The following RBMS3 variants were observed in gnomAD, a reference collection of about 807,000 sequenced individuals.
The protein encoded by RBMS3 is RNA-binding motif, single-stranded-interacting protein 3.
In RBMS3, 27 loss-of-function variants were observed where a neutral mutation model predicts 66.8. That is an observed-to-expected ratio of 0.40 (90% CI 0.30 to 0.56). RBMS3 has a LOEUF of 0.56. RBMS3 is among the 20% of genes least tolerant of loss of function. RBMS3 has a pLI of 0.40. For missense variants in RBMS3, 513 were observed against 549.5 expected (o/e 0.93, Z 0.66); for synonymous variants, 188 against 183.0 (o/e 1.03, Z -0.22).
At chr3:29,949,385 G>A (rs781135999) in intron 12 of RBMS3, among the ~76,000 whole-genome samples, 10 of 151,732 alleles carry the variant, frequency 6.6e-5, no homozygotes, top group Non-Finnish European at 1.2e-4. Context: ...CACAAGCCAC[G>A]TGCAAATAAG....
chr3:29,316,399 AG>A (rs1198024071), intron 1 of RBMS3, among the ~76,000 whole-genome samples: 1 of 151,744 alleles, frequency 6.6e-6, no homozygotes, highest in Non-Finnish European at 1.5e-5. Flanking sequence ...ATACCTCCCT[AG>A]CAAAGATAAC....
At chr3:29,854,196 T>C (rs2059015459) in intron 6 of RBMS3, among the ~76,000 whole-genome samples, 1 of 152,070 alleles carries the variant, frequency 6.6e-6, no homozygotes, top group African/African-American at 2.4e-5. Context: ...CCTCCCCGCG[T>C]CCCTGCAGCA....
chr3:29,541,425 C>A (rs975614780), intron 3 of RBMS3, among the ~76,000 whole-genome samples: 3 of 136,266 alleles, frequency 2.2e-5, no homozygotes, highest in African/African-American at 1.0e-4. Flanking sequence ...CCTCAAATTT[C>A]TTTCATTCTT....
chr3:29,810,879 G>A (rs1230499419), intron 6 of RBMS3, among the ~76,000 whole-genome samples: 2 of 152,046 alleles, frequency 1.3e-5, no homozygotes, highest in South Asian at 2.1e-4. Context: ...AATAGAAAAC[G>A]CACCAAAGTA....
chr3:29,750,586 G>A (rs776850100), intron 5 of RBMS3, among the ~76,000 whole-genome samples: 15 of 152,022 alleles, frequency 9.9e-5, no homozygotes, highest in Non-Finnish European at 2.1e-4. Context: ...GGGCACATGT[G>A]CAGGTTCGTT....
chr3:29,578,983 A>G (rs374851292), intron 3 of RBMS3, among the ~76,000 whole-genome samples: 1,903 of 143,790 alleles, frequency 0.013, 103 homozygotes, highest in African/African-American at 0.048. Flanking sequence ...TTGTATTTTT[A>G]GTAGAGACGG....
At chr3:29,901,855 A>C (rs2149611568) in intron 10 of RBMS3, among the ~76,000 whole-genome samples, 1 of 151,962 alleles carries the variant, frequency 6.6e-6, no homozygotes, top group African/African-American at 2.4e-5. Flanking sequence ...GATGGAGAAA[A>C]GGGCAAAACA....
Position 29,830,448 on chromosome 3 carries a change from G to A in RBMS3, c.638-38410G>A, listed in dbSNP as rs207463084. 2.0e-5 allele frequency among the ~76,000 whole-genome samples: 3 copies of A among 152,088 alleles called. No individual in the cohort carries two copies. In the East Asian group the frequency reaches 5.8e-4, roughly 29 times the overall value. ...TAAAACTTATGGTAGTGAAGTTGCA[G>A]GGCAGGCTGTTACCAGCACGGTAAA... On this transcript the variant is annotated intron_variant, in intron 6 of 14. Coordinates refer to ENST00000383767, the MANE Select transcript of RBMS3 (RefSeq NM_001003793.3).
At chr3:29,648,435 G>A (rs376393532) in intron 4 of RBMS3, among the ~76,000 whole-genome samples, 2 of 151,388 alleles carry the variant, frequency 1.3e-5, no homozygotes, top group African/African-American at 4.9e-5. Context: ...ACTACACCTG[G>A]CTAAGTTTTG....
intron 12 of RBMS3, among the ~76,000 whole-genome samples, chr3:29,952,311 A>G (rs1695735354): frequency 6.6e-6 from 1 of 151,824 alleles, no homozygotes; most frequent in Non-Finnish European, 1.5e-5. Context: ...ATGTAAATCC[A>G]TTTTCCACCT....
At chr3:29,774,390 A>G (rs1250233625) in intron 6 of RBMS3, among the ~76,000 whole-genome samples, 1 of 152,094 alleles carries the variant, frequency 6.6e-6, no homozygotes, top group Non-Finnish European at 1.5e-5. Flanking sequence ...ATTATCACTG[A>G]GCTAATCACA....
intron 1 of RBMS3, among the ~76,000 whole-genome samples, chr3:29,287,430 A>G (rs2032444127): frequency 6.6e-6 from 1 of 152,128 alleles, no homozygotes; most frequent in African/African-American, 2.4e-5. Context: ...TCCCATTGAT[A>G]CCTAAAGAAA....
chr3:29,725,844 C>A (rs923762859), intron 4 of RBMS3, among the ~76,000 whole-genome samples: 1 of 152,172 alleles, frequency 6.6e-6, no homozygotes, highest in Non-Finnish European at 1.5e-5. Flanking sequence ...AGGGAATCCT[C>A]CCTAACTCAC....
intron 3 of RBMS3, among the ~76,000 whole-genome samples, chr3:29,552,044 A>C (rs569973633): frequency 3.9e-5 from 6 of 152,324 alleles, no homozygotes; most frequent in Admixed American, 3.9e-4. Context: ...AATTTACTTC[A>C]AGATTAAATG....
At chr3:29,860,052 G>A (rs188968216) in intron 6 of RBMS3, among the ~76,000 whole-genome samples, 2 of 152,306 alleles carry the variant, frequency 1.3e-5, no homozygotes, top group Non-Finnish European at 2.9e-5. Context: ...ACAAAATAGT[G>A]TTTTGGGATA....
intron 2 of RBMS3, among the ~76,000 whole-genome samples, chr3:29,457,452 TG>T (rs2042229381): frequency 6.6e-6 from 1 of 152,204 alleles, no homozygotes; most frequent in African/African-American, 2.4e-5. Flanking sequence ...CCTGAAGCAG[TG>T]GCTCACACCT....
At chr3:29,500,330 C>G (rs1252847742) in intron 3 of RBMS3, among the ~76,000 whole-genome samples, 2 of 150,734 alleles carry the variant, frequency 1.3e-5, no homozygotes, top group Non-Finnish European at 3.0e-5. Flanking sequence ...GTCAAAGATT[C>G]CCGTATAGAA....
intron 5 of RBMS3, among the ~76,000 whole-genome samples, chr3:29,744,863 T>A (rs1414875270): frequency 6.6e-6 from 1 of 152,008 alleles, no homozygotes; most frequent in Non-Finnish European, 1.5e-5. Flanking sequence ...GTTGTACATA[T>A]CTCTTGAATG....
chr3:29,899,647 C>T (rs1215208874), intron 9 of RBMS3, 58 bp from the exon 10 acceptor site: 1 of 1,529,994 alleles, frequency 6.5e-7, no homozygotes, highest in Non-Finnish European at 9.0e-7. Flanking sequence ...CCACTGAACA[C>T]AAGAACCAAG....
Sources: gnomAD v4.1 joint callset for allele counts (sites outside exome capture counted in the v4.1 genomes callset) on GRCh38, gnomAD v4.1.1 for gene constraint, MANE v1.5 for transcripts, NCBI Gene and HGNC (gene_info 2026-07-23, HGNC 2026-07-21) for gene names.